Variants in RNF130 observed in about 807,000 individuals in gnomAD.
The protein encoded by RNF130 is E3 ubiquitin-protein ligase RNF130.
RNF130 carries 21 observed loss-of-function variants against 44.6 expected under a neutral mutation model. The observed-to-expected ratio is 0.47, with a 90% CI of 0.33 to 0.68. The LOEUF (loss-of-function observed/expected upper bound fraction) is 0.68, where lower values mean the gene tolerates loss of function less well. Among genes scored for constraint, RNF130 ranks in the 30% least tolerant of loss-of-function variants. RNF130 has a pLI of 0.02. For missense variants in RNF130, 479 were observed against 560.6 expected (o/e 0.85, Z 1.47); for synonymous variants, 214 against 210.4 (o/e 1.02, Z -0.15).
At chr5:179,968,080 G>T (rs1336171110) in intron 6 of RNF130, among the ~76,000 whole-genome samples, 2 of 151,986 alleles carry the variant, frequency 1.3e-5, no homozygotes, top group African/African-American at 4.8e-5. Context: ...CAGATCACGA[G>T]GTCAGGAGAT....
rs1762418087 is a variant in RNF130 at position 179,965,342 on chromosome 5, GA to G, written c.1150+1463del. On this transcript the variant is annotated intron_variant, in intron 7 of 8. Transcript: ENST00000521389. ...GGTTGCTACGGTGCCCAGGGCTTCG[GA>G]GGGAAAGCAGAGGTAGCTGTGGTTT... is the stretch of plus-strand genomic sequence containing the variant. Among the ~76,000 whole-genome samples, 6 of 152,356 alleles carry G rather than the reference GA, an allele frequency of 3.9e-5. No homozygotes were observed. In the South Asian group the frequency reaches 1.2e-3, roughly 32 times the overall value.
chr5:180,002,439 C>T (rs1763364893), intron 3 of RNF130, among the ~76,000 whole-genome samples: 1 of 152,196 alleles, frequency 6.6e-6, no homozygotes, highest in Non-Finnish European at 1.5e-5. Flanking sequence ...GAGCAAGACA[C>T]ACTTCAGTCA....
chr5:179,990,309 G>A (rs898882162), intron 3 of RNF130, among the ~76,000 whole-genome samples: 8 of 152,180 alleles, frequency 5.3e-5, no homozygotes, highest in Admixed American at 1.3e-4. Flanking sequence ...TTAGGTAGCC[G>A]AGGCGGAGAG....
intron 2 of RNF130, among the ~76,000 whole-genome samples, chr5:180,029,478 G>A (rs1764071293): frequency 6.6e-6 from 1 of 152,128 alleles, no homozygotes; most frequent in Admixed American, 6.5e-5. Context: ...AAGGATAAAA[G>A]CTCTAACCAA....
chr5:179,920,273 A>G (rs1247736834), exon 8 of RNF130: 1 of 672,948 alleles, frequency 1.5e-6, no homozygotes, highest in Non-Finnish European at 2.7e-6. Flanking sequence ...TCAGAAATCA[A>G]ATCACAAAAG....
At chr5:180,054,028 G>C (rs1325009232) in intron 1 of RNF130, among the ~76,000 whole-genome samples, 1 of 151,876 alleles carries the variant, frequency 6.6e-6, no homozygotes, top group Non-Finnish European at 1.5e-5. Flanking sequence ...TGTTGGCCAG[G>C]ATGGGCTCCA....
chr5:180,041,570 C>T (rs1170193508), intron 1 of RNF130, among the ~76,000 whole-genome samples: 1 of 152,206 alleles, frequency 6.6e-6, no homozygotes, highest in African/African-American at 2.4e-5. Context: ...CCCACTTTCA[C>T]ATTTATAACA....
intron 2 of RNF130, among the ~76,000 whole-genome samples, chr5:180,017,836 C>A (rs1164472407): frequency 1.3e-5 from 2 of 152,222 alleles, no homozygotes; most frequent in East Asian, 3.8e-4. Context: ...GTTCAAATCC[C>A]AGCATGGTAC....
downstream of RNF130, among the ~76,000 whole-genome samples, chr5:179,951,365 C>A (rs541234838): frequency 1.3e-5 from 2 of 150,610 alleles, no homozygotes; most frequent in African/African-American, 4.9e-5. Flanking sequence ...AACAGTCCAT[C>A]CAACAAGAGC....
chr5:180,028,591 G>C (rs1224959280), intron 2 of RNF130, among the ~76,000 whole-genome samples: 1 of 152,044 alleles, frequency 6.6e-6, no homozygotes, highest in African/African-American at 2.4e-5. Context: ...CACTACAGCT[G>C]ATCCCGCTAC....
intron 8 of RNF130, among the ~76,000 whole-genome samples, chr5:179,962,173 C>T (rs1373978438): frequency 6.6e-6 from 1 of 152,314 alleles, no homozygotes; most frequent in African/African-American, 2.4e-5. Flanking sequence ...TAGTGGTTCA[C>T]CTGCTGGATG....
At chr5:180,009,401 A>G in intron 3 of RNF130, among the ~76,000 whole-genome samples, 1 of 152,264 alleles carries the variant, frequency 6.6e-6, no homozygotes, top group East Asian at 1.9e-4. Context: ...AAAATTCAAC[A>G]GTGAAAAACA....
chr5:180,026,813 C>G (rs1321923415), intron 2 of RNF130, among the ~76,000 whole-genome samples: 2 of 152,118 alleles, frequency 1.3e-5, no homozygotes, highest in African/African-American at 4.8e-5. Flanking sequence ...TTATTTTGTT[C>G]AGGGCATTCT....
intron 5 of RNF130, among the ~76,000 whole-genome samples, chr5:179,975,557 G>C (rs772539377): frequency 3.9e-5 from 6 of 152,214 alleles, no homozygotes; most frequent in African/African-American, 1.4e-4. Context: ...CTACATGGCA[G>C]TGAGATGGTG....
At chr5:179,937,935 A>AGAGAGTGT (rs1761917708) in intron 7 of RNF130, among the ~76,000 whole-genome samples, 2 of 56,764 alleles carry the variant, frequency 3.5e-5, no homozygotes. Flanking sequence ...TGTGTGTGTG[A>AGAGAGTGT]GAGAGAGAGA....
At chr5:179,940,873 C>G (rs771279708) in intron 7 of RNF130, among the ~76,000 whole-genome samples, 1 of 151,912 alleles carries the variant, frequency 6.6e-6, no homozygotes, top group African/African-American at 2.4e-5. Context: ...AAGACTCATG[C>G]CTTTTTCTGT....
intron 7 of RNF130, among the ~76,000 whole-genome samples, chr5:179,937,174 GTATCATCAAAACGAAA>G (rs1192150669): frequency 3.7e-4 from 50 of 135,266 alleles, no homozygotes; most frequent in African/African-American, 1.6e-3. Context: ...TCAAAACGAA[GTATCATCAAAACGAAA>G]TATCATCAAA....
intron 3 of RNF130, among the ~76,000 whole-genome samples, chr5:180,002,604 G>A (rs185650258): frequency 3.5e-4 from 54 of 152,302 alleles, no homozygotes; most frequent in African/African-American, 1.3e-3. Context: ...GGTGAGGTCT[G>A]TAGGTATCCA....
chr5:179,989,747 T>G (rs1763037333), intron 3 of RNF130, among the ~76,000 whole-genome samples: 1 of 152,218 alleles, frequency 6.6e-6, no homozygotes, highest in South Asian at 2.1e-4. Context: ...ATATATGACA[T>G]CTTGTTACTG....
Sources: allele counts gnomAD v4.1 joint callset (sites outside exome capture counted in the v4.1 genomes callset), GRCh38; gene constraint gnomAD v4.1.1; transcripts MANE v1.5; gene names NCBI Gene and HGNC (gene_info 2026-07-23, HGNC 2026-07-21).